Variants in MTUS1 observed in about 807,000 individuals in gnomAD.
The protein encoded by MTUS1 is microtubule associated scaffold protein 1.
Under a neutral mutation model 120.8 loss-of-function variants are expected in MTUS1, and 109 were observed. The ratio of observed to expected loss-of-function variants is 0.90; its 90% CI spans 0.77 to 1.06. MTUS1 has a LOEUF of 1.06. Among genes scored for constraint, MTUS1 ranks in the 50% least tolerant of loss-of-function variants. The probability of loss-of-function intolerance (pLI) is 0.00; values close to 1 mark genes in which losing one functional copy is unlikely to be tolerated. For missense variants in MTUS1, 2,210 were observed against 1,486.3 expected (o/e 1.49, Z -8.01); for synonymous variants, 737 against 550.5 (o/e 1.34, Z -4.74).
intron 7 of MTUS1, among the ~76,000 whole-genome samples, chr8:17,682,549 A>G (rs1198562792): frequency 6.7e-6 from 1 of 148,656 alleles, no homozygotes; most frequent in East Asian, 2.0e-4. Context: ...AGTTGCTATC[A>G]TGATCTAGTG....
At chr8:17,769,881 TACACACACACACACAC>T (rs56287929) in intron 1 of MTUS1, among the ~76,000 whole-genome samples, 1,901 of 99,624 alleles carry the variant, frequency 0.019, 77 homozygotes, top group African/African-American at 0.067. Flanking sequence ...ACTCTTTGCT[TACACACACACACACAC>T]ACACACACAC....
rs1291203412 is a variant in MTUS1, at chr8:17,709,455, A to T, written c.2623+3759T>A. Among the ~76,000 whole-genome samples, 19 of 151,984 alleles carry T rather than the reference A, an allele frequency of 1.3e-4. 1 individual carries two copies. The highest frequency in any genetic ancestry group is 1.2e-3 in the Admixed American group (19 of 15,236). On this transcript the variant is annotated intron_variant, in intron 6 of 14. Transcript: ENST00000693296. ...TTTATTTTATTTTTTTAACTATCCT[A>T]TTAGCTCTCCAGAGACAAGGCCCCT...
chr8:17,763,023 G>T (rs1301861086), intron 1 of MTUS1, among the ~76,000 whole-genome samples: 1 of 147,824 alleles, frequency 6.8e-6, no homozygotes, highest in East Asian at 2.0e-4. Context: ...ACGAAGTCTT[G>T]CTCTATCCCC....
intron 4 of MTUS1, among the ~76,000 whole-genome samples, chr8:17,717,070 T>C (rs954510716): frequency 7.9e-5 from 12 of 152,240 alleles, no homozygotes; most frequent in East Asian, 1.9e-4. Flanking sequence ...ACTGCTACAA[T>C]AGTGCTTATA....
intron 8 of MTUS1, among the ~76,000 whole-genome samples, chr8:17,659,537 A>G (rs1809211755): frequency 6.6e-6 from 1 of 152,104 alleles, no homozygotes; most frequent in African/African-American, 2.4e-5. Context: ...TCTACTAAAA[A>G]TACAAAATTA....
chr8:17,710,302 G>A (rs1048764312), intron 6 of MTUS1, among the ~76,000 whole-genome samples: 1 of 152,160 alleles, frequency 6.6e-6, no homozygotes, highest in African/African-American at 2.4e-5. Context: ...TTCAAAATTG[G>A]AGTCAATCCT....
chr8:17,662,069 C>T (rs973099904), intron 8 of MTUS1, among the ~76,000 whole-genome samples: 2 of 152,014 alleles, frequency 1.3e-5, no homozygotes, highest in Non-Finnish European at 2.9e-5. Context: ...CGGTGGGGGG[C>T]GTGCATAACC....
chr8:17,756,121 CA>C (rs1174170674), intron 1 of MTUS1, 160 bp from the exon 2 acceptor site: 3 of 265,184 alleles, frequency 1.1e-5, no homozygotes, highest in African/African-American at 6.8e-5. Context: ...GGCAATCTAT[CA>C]CCGCTTTTCA....
intron 7 of MTUS1, among the ~76,000 whole-genome samples, chr8:17,682,286 T>C (rs1321893840): frequency 6.6e-6 from 1 of 152,050 alleles, no homozygotes; most frequent in African/African-American, 2.4e-5. Context: ...GAGGCCGAGG[T>C]GAGCGGATCA....
intron 6 of MTUS1, among the ~76,000 whole-genome samples, chr8:17,692,814 T>C (rs1055455816): frequency 9.9e-5 from 15 of 152,164 alleles, no homozygotes; most frequent in Admixed American, 6.5e-5. Context: ...TGAGTTTACC[T>C]ATATAACAAA....
chr8:17,682,353 T>C (rs1307261769), intron 7 of MTUS1, among the ~76,000 whole-genome samples: 1 of 151,948 alleles, frequency 6.6e-6, no homozygotes, highest in Non-Finnish European at 1.5e-5. Flanking sequence ...CTGTCTCTAC[T>C]AGAAAATTAC....
intron 1 of MTUS1, among the ~76,000 whole-genome samples, chr8:17,764,368 T>A (rs967625501): frequency 6.6e-6 from 1 of 151,112 alleles, no homozygotes; most frequent in Admixed American, 6.6e-5. Context: ...AAATGGTAAT[T>A]TCTATGCACT....
intron 7 of MTUS1, chr8:17,676,575 C>G (rs1323472390): frequency 1.8e-6 from 1 of 550,144 alleles, no homozygotes; most frequent in Non-Finnish European, 3.2e-6. Context: ...AAAGCCACAG[C>G]CTTTCATTTA....
At chr8:17,774,971 T>TTAA (rs751182658) in intron 1 of MTUS1, among the ~76,000 whole-genome samples, 1 of 96,980 alleles carries the variant, frequency 1.0e-5, no homozygotes, top group African/African-American at 4.0e-5. Flanking sequence ...ATATTATAAG[T>TTAA]AAAAAAAAAA....
chr8:17,676,477 C>A, intron 7 of MTUS1: 1 of 621,414 alleles, frequency 1.6e-6, no homozygotes, highest in South Asian at 1.9e-5. Flanking sequence ...ACTTCATGTC[C>A]TGCAGGTTAC....
At chr8:17,723,515 T>G in intron 4 of MTUS1, 157 bp downstream of exon 4, 1 of 751,092 alleles carries the variant, frequency 1.3e-6, no homozygotes, top group Non-Finnish European at 2.3e-6. Flanking sequence ...TTCAAAGAAT[T>G]TTTTTTCTGC....
At chr8:17,790,399 A>G (rs951558382) in intron 1 of MTUS1, among the ~76,000 whole-genome samples, 1 of 152,126 alleles carries the variant, frequency 6.6e-6, no homozygotes, top group East Asian at 1.9e-4. Context: ...TATCCAGCAT[A>G]TAAGACCACA....
intron 8 of MTUS1, among the ~76,000 whole-genome samples, chr8:17,673,123 G>C (rs1403668318): frequency 6.6e-6 from 1 of 152,140 alleles, no homozygotes; most frequent in Non-Finnish European, 1.5e-5. Flanking sequence ...TGTTAATTAT[G>C]TTATTTAAGG....
chr8:17,690,728 G>GA (rs1215822938), intron 6 of MTUS1, among the ~76,000 whole-genome samples: 6 of 152,058 alleles, frequency 3.9e-5, no homozygotes, highest in Admixed American at 3.9e-4. Context: ...TCACCAGGGA[G>GA]AAAAAAGGCA....
Sources: gnomAD v4.1 joint callset for allele counts (sites outside exome capture counted in the v4.1 genomes callset) on GRCh38, gnomAD v4.1.1 for gene constraint, MANE v1.5 for transcripts, NCBI Gene and HGNC (gene_info 2026-07-23, HGNC 2026-07-21) for gene names.